The following MARCHF1 variants were observed in gnomAD, a reference collection of about 807,000 sequenced individuals.
MARCHF1 encodes membrane associated ring-CH-type finger 1, also known as E3 ubiquitin-protein ligase MARCHF1.
A neutral mutation model predicts 54.2 loss-of-function variants in MARCHF1; 40 were observed. The observed-to-expected ratio is 0.74, with a 90% CI of 0.57 to 0.96. The LOEUF is 0.96. MARCHF1 is among the 40% of genes least tolerant of loss of function. The probability of loss-of-function intolerance (pLI) is 0.00; values close to 1 mark genes in which losing one functional copy is unlikely to be tolerated. For missense variants in MARCHF1, 586 were observed against 656.5 expected (o/e 0.89, Z 1.17); for synonymous variants, 236 against 236.3 (o/e 1.00, Z 0.01).
At chr4:164,056,607 A>G (rs1754496203) in intron 2 of MARCHF1, among the ~76,000 whole-genome samples, 1 of 152,182 alleles carries the variant, frequency 6.6e-6, no homozygotes, top group Non-Finnish European at 1.5e-5. Context: ...CGACTTGTTC[A>G]TTTAGATTAA....
chr4:163,808,379 T>C (rs759316158), intron 4 of MARCHF1, among the ~76,000 whole-genome samples: 2 of 152,190 alleles, frequency 1.3e-5, no homozygotes, highest in Non-Finnish European at 2.9e-5. Context: ...GAATTTGATA[T>C]GCCACTGCTA....
chr4:164,241,141 A>C (rs1732732561), intron 1 of MARCHF1, among the ~76,000 whole-genome samples: 1 of 151,974 alleles, frequency 6.6e-6, no homozygotes, highest in South Asian at 2.1e-4. Flanking sequence ...AACTGACTCA[A>C]CTCGCCCTGT....
intron 9 of MARCHF1, among the ~76,000 whole-genome samples, chr4:163,536,014 G>C (rs1011490655): frequency 3.9e-5 from 6 of 152,128 alleles, no homozygotes; most frequent in African/African-American, 1.2e-4. Flanking sequence ...GAATTATTCA[G>C]TTCATAATGT....
At chr4:164,105,916 C>G (rs1341317663) in intron 2 of MARCHF1, among the ~76,000 whole-genome samples, 1 of 147,340 alleles carries the variant, frequency 6.8e-6, no homozygotes, top group East Asian at 2.0e-4. Context: ...AACAAATTTA[C>G]AAGAAAAAAA....
chr4:163,954,716 G>A (rs1752198040), intron 3 of MARCHF1, among the ~76,000 whole-genome samples: 1 of 152,064 alleles, frequency 6.6e-6, no homozygotes, highest in Admixed American at 6.6e-5. Context: ...ATCACCTGGG[G>A]ATCTTGTTAC....
intron 1 of MARCHF1, among the ~76,000 whole-genome samples, chr4:164,289,947 A>C (rs1427048520): frequency 1.3e-5 from 2 of 151,760 alleles, no homozygotes; most frequent in Admixed American, 1.3e-4. Context: ...TTTCTTAATT[A>C]TTCTATGTCT....
Position 164,188,879 on chromosome 4 carries a change from G to A in MARCHF1, c.-322-77217C>T, listed in dbSNP as rs543720153. 60 of 777,942 alleles carry A rather than the reference G, an allele frequency of 7.7e-5. No homozygotes were observed. In the South Asian group the frequency reaches 8.1e-4, roughly 10 times the overall value. 48.2% of individuals were successfully genotyped at this position (777,942 alleles called of 1,614,324 possible). On this transcript the variant is annotated intron_variant, in intron 1 of 9. Coordinates refer to ENST00000514618, the MANE Select transcript of MARCHF1 (RefSeq NM_001394959.1). ...TTATTTGAGAAAGAAGTTTACCCATGCAGTTTTTACCTTACCAGCCTATTT... is the reference window on the plus strand; with the variant it reads ...TTATTTGAGAAAGAAGTTTACCCATACAGTTTTTACCTTACCAGCCTATTT...
At chr4:164,197,302 T>C in intron 1 of MARCHF1, 1 of 1,611,950 alleles carries the variant, frequency 6.2e-7, no homozygotes, top group Admixed American at 1.7e-5. Context: ...ATATGTGAGT[T>C]GCAGGAGAAG....
Position 164,255,837 on chromosome 4 carries a change from T to C in MARCHF1, c.-323+128033A>G, listed in dbSNP as rs1733265084. Among the ~76,000 whole-genome samples, 2 of 152,096 alleles carry C rather than the reference T, an allele frequency of 1.3e-5. 1 individual carries two copies. The highest frequency in any genetic ancestry group is 4.1e-4 in the South Asian group (2 of 4,836). Reference sequence around the variant, plus strand: ...ATACTTTGATATAACTCTAAGAAATTAATAGACCAAATACCTAAAAAATGA... The same window carrying C: ...ATACTTTGATATAACTCTAAGAAATCAATAGACCAAATACCTAAAAAATGA... On this transcript the variant is annotated intron_variant, in intron 1 of 9. Coordinates refer to ENST00000514618, the MANE Select transcript of MARCHF1 (RefSeq NM_001394959.1).
At chr4:164,092,746 T>C (rs1355035489) in intron 2 of MARCHF1, among the ~76,000 whole-genome samples, 1 of 152,284 alleles carries the variant, frequency 6.6e-6, no homozygotes, top group Admixed American at 6.5e-5. Flanking sequence ...CAGTCCACTA[T>C]TGAGTTCTCA....
At position 164,356,755 on chromosome 4, in the gene MARCHF1, A is replaced by C. The variant is rs183959067; in HGVS notation, c.-323+27115T>G. Among the ~76,000 whole-genome samples the C allele has an allele frequency of 9.8e-5, 9 of 91,740 alleles. 1 individual carries two copies. In the Admixed American group the frequency reaches 1.0e-3, roughly 10 times the overall value. The allele number at this position is 91,740 out of a possible 152,430, so 60.2% of individuals were successfully genotyped here. A position where few individuals can be genotyped will look rare whatever the true frequency, so the allele number is the denominator to read the frequency against. Reference sequence around the variant, plus strand: ...TTGTGCACATGTACCCTAAAACTTAAAGTATAATAAAAAAAAAAGAAAAGC... The same window carrying C: ...TTGTGCACATGTACCCTAAAACTTACAGTATAATAAAAAAAAAAGAAAAGC... On this transcript the variant is annotated intron_variant, in intron 1 of 9. Coordinates refer to ENST00000514618, the MANE Select transcript of MARCHF1 (RefSeq NM_001394959.1).
intron 3 of MARCHF1, among the ~76,000 whole-genome samples, chr4:163,887,236 T>C (rs574168962): frequency 1.3e-5 from 2 of 152,070 alleles, no homozygotes; most frequent in South Asian, 4.1e-4. Flanking sequence ...GATGTATGAT[T>C]GGGGAGGAGA....
At chr4:164,040,579 G>C (rs1754107687) in intron 2 of MARCHF1, among the ~76,000 whole-genome samples, 1 of 151,442 alleles carries the variant, frequency 6.6e-6, no homozygotes, top group South Asian at 2.1e-4. Context: ...GAATGGAAAT[G>C]AATGTGTGTT....
intron 3 of MARCHF1, among the ~76,000 whole-genome samples, chr4:163,962,646 A>G (rs750879425): frequency 6.6e-6 from 1 of 151,962 alleles, no homozygotes; most frequent in Non-Finnish European, 1.5e-5. Flanking sequence ...TTAAGGCATA[A>G]AATGGAAGCT....
At chr4:164,130,484 G>A (rs975327963) in intron 1 of MARCHF1, among the ~76,000 whole-genome samples, 4 of 152,080 alleles carry the variant, frequency 2.6e-5, no homozygotes, top group Non-Finnish European at 4.4e-5. Flanking sequence ...TCAAATAAAT[G>A]TACTTAAAGC....
intron 1 of MARCHF1, among the ~76,000 whole-genome samples, chr4:164,115,484 A>G (rs1278193854): frequency 6.6e-6 from 1 of 152,142 alleles, no homozygotes; most frequent in African/African-American, 2.4e-5. Context: ...AATTTTCTGC[A>G]TTTGGCAGAG....
At chr4:164,049,773 A>C (rs1161979135) in intron 2 of MARCHF1, among the ~76,000 whole-genome samples, 1 of 152,228 alleles carries the variant, frequency 6.6e-6, no homozygotes, top group African/African-American at 2.4e-5. Flanking sequence ...GTATACACAC[A>C]CATTTGAGAA....
chr4:163,543,184 C>A (rs973941498), intron 9 of MARCHF1, among the ~76,000 whole-genome samples: 8 of 152,186 alleles, frequency 5.3e-5, no homozygotes, highest in African/African-American at 1.4e-4. Flanking sequence ...GATTACATTA[C>A]TGAGCATGGG....
chr4:163,800,404 AT>A, intron 4 of MARCHF1, among the ~76,000 whole-genome samples: 2 of 151,966 alleles, frequency 1.3e-5, no homozygotes, highest in East Asian at 3.9e-4. Context: ...TTCTTTCAAC[AT>A]TTTTTTGCTT....
Sources: allele counts gnomAD v4.1 joint callset (sites outside exome capture counted in the v4.1 genomes callset), GRCh38; gene constraint gnomAD v4.1.1; transcripts MANE v1.5; gene names NCBI Gene and HGNC (gene_info 2026-07-23, HGNC 2026-07-21).